TNKS: variants seen among roughly 807,000 people sequenced by gnomAD.
TNKS encodes poly [ADP-ribose] polymerase tankyrase-1.
In TNKS, 72 loss-of-function variants were observed where a neutral mutation model predicts 135.8. The ratio of observed to expected loss-of-function variants is 0.53; its 90% CI spans 0.44 to 0.64. The LOEUF is 0.64. Ranked by LOEUF, TNKS falls within the 30% of genes least tolerant of loss-of-function variation. The pLI is 0.00. For missense variants in TNKS, 1,769 were observed against 1,674.0 expected (o/e 1.06, Z -0.99); for synonymous variants, 849 against 649.3 (o/e 1.31, Z -4.68).
chr8:9,680,753 T>A lies in TNKS; in HGVS notation c.1060T>A (p.Leu354Ile). 1.2e-6 allele frequency: 2 copies of A among 1,612,630 alleles called. No homozygotes were observed. Among genetic ancestry groups the A allele is most frequent in the Non-Finnish European group, 1.7e-6 (2 of 1,179,106 alleles). The change falls in exon 5 of 27, where the codon TTA becomes ATA. Residue 354 changes from leucine to isoleucine, a missense_variant. By Grantham distance (5) the Leu-to-Ile change is conservative. This residue lies in a region of TNKS where 523 missense variants were observed against 541.0 expected (regional missense o/e 0.97). Transcript: ENST00000310430. ...TGGTAATGAAGAAAAACTAATGGCT[T>A]TACTGACTCCTCTAAATGTGAATTG... ...RSGNEEKLMA[L>I]LTPLNVNCHA...
At chr8:9,681,608 A>G (rs914509973) in intron 5 of TNKS, among the ~76,000 whole-genome samples, 6 of 152,236 alleles carry the variant, frequency 3.9e-5, no homozygotes, top group South Asian at 2.1e-4. Flanking sequence ...TTAAAGACAC[A>G]TTACAAAAAT....
intron 7 of TNKS, among the ~76,000 whole-genome samples, 197 bp downstream of exon 7, chr8:9,706,450 A>G (rs544874975): frequency 2.0e-5 from 3 of 152,170 alleles, no homozygotes; most frequent in African/African-American, 7.2e-5. Context: ...TGCAGCCTCA[A>G]CCTCCCAAGT....
At chr8:9,646,552 A>G (rs940649029) in intron 3 of TNKS, among the ~76,000 whole-genome samples, 4 of 152,098 alleles carry the variant, frequency 2.6e-5, no homozygotes, top group Non-Finnish European at 5.9e-5. Flanking sequence ...GACTTCCCTA[A>G]TCTCATAACA....
At position 9,770,380 on chromosome 8, in the gene TNKS, T is replaced by G. The variant is rs564375861; in HGVS notation, c.3897+118T>G. 7.3e-5 allele frequency: 78 copies of G among 1,069,092 alleles called. 2 individuals carry two copies. In the South Asian group the frequency reaches 1.4e-3, roughly 20 times the overall value. 66.2% of individuals were successfully genotyped at this position (1,069,092 alleles called of 1,614,324 possible). ...TATCCACCACACAGTGTGCTAGTAT[T>G]AATTACTTCAGATACAAAATAAAGG... On this transcript the variant is annotated intron_variant, in intron 26 of 26. Coordinates refer to ENST00000310430, the MANE Select transcript of TNKS (RefSeq NM_003747.3).
rs552039738 is a variant in TNKS, at chr8:9,585,384, CAGTAATA to C, written c.898+5003_898+5009del. ...GAAAAAAAAGTCTGATGGAAGAGATCAGTAATAATTAAACAAATGATAAGAAAGAGAA... is the reference window on the plus strand; with the variant it reads ...GAAAAAAAAGTCTGATGGAAGAGATCATTAAACAAATGATAAGAAAGAGAA... On this transcript the variant is annotated intron_variant, in intron 2 of 26. Coordinates refer to ENST00000310430, the MANE Select transcript of TNKS (RefSeq NM_003747.3). 6.6e-4 allele frequency among the ~76,000 whole-genome samples: 100 copies of C among 152,052 alleles called. No individual in the cohort carries two copies. The South Asian group carries it at 0.019, about 29-fold the overall frequency.
intron 26 of TNKS, among the ~76,000 whole-genome samples, chr8:9,771,183 G>GAGGA (rs756388062): frequency 6.8e-6 from 1 of 147,614 alleles, no homozygotes; most frequent in African/African-American, 2.5e-5. Flanking sequence ...GGAGAGAAGA[G>GAGGA]AGGAAGGAAG....
At chr8:9,764,641 C>G in intron 22 of TNKS, 75 bp from the exon 23 acceptor site, 1 of 1,116,090 alleles carries the variant, frequency 9.0e-7, no homozygotes, top group Non-Finnish European at 1.3e-6. Flanking sequence ...TTTATTAATA[C>G]TGAATTTTAG....
chr8:9,767,086 T>C (rs902541830), intron 25 of TNKS, among the ~76,000 whole-genome samples: 2 of 152,214 alleles, frequency 1.3e-5, no homozygotes, highest in African/African-American at 2.4e-5. Flanking sequence ...CTAGTCACAT[T>C]TGAATGAAGA....
intron 3 of TNKS, among the ~76,000 whole-genome samples, chr8:9,663,728 A>G (rs951178488): frequency 2.6e-5 from 4 of 152,166 alleles, no homozygotes; most frequent in Admixed American, 2.6e-4. Flanking sequence ...TCAGGAAGAT[A>G]TGTTTACCAG....
At chr8:9,710,629 G>A (rs986100340) in intron 11 of TNKS, among the ~76,000 whole-genome samples, 3 of 152,204 alleles carry the variant, frequency 2.0e-5, no homozygotes, top group Non-Finnish European at 2.9e-5. Context: ...AGGCACAGTG[G>A]CTCACGCCTG....
intron 20 of TNKS, among the ~76,000 whole-genome samples, chr8:9,758,912 A>G (rs1563215120): frequency 6.6e-6 from 1 of 152,210 alleles, no homozygotes; most frequent in Non-Finnish European, 1.5e-5. Flanking sequence ...ACAGAGCATT[A>G]GCCAGGGTCA....
intron 2 of TNKS, among the ~76,000 whole-genome samples, chr8:9,594,298 A>G (rs1798693771): frequency 6.6e-6 from 1 of 152,232 alleles, no homozygotes; most frequent in Non-Finnish European, 1.5e-5. Flanking sequence ...GAGAAAATAT[A>G]CTGATGATAA....
At chr8:9,707,202 T>C (rs917916601) in intron 8 of TNKS, among the ~76,000 whole-genome samples, 1 of 152,242 alleles carries the variant, frequency 6.6e-6, no homozygotes. Context: ...TATTCGAGCC[T>C]AGTTTTAATT....
In TNKS at chr8:9,734,887, A is replaced by G; in HGVS notation, c.2336A>G (p.Lys779Arg). 6.2e-7 allele frequency: 1 copy of G among 1,614,076 alleles called. No individual in the cohort carries two copies. The change falls in exon 16 of 27, where the codon AAG becomes AGG. Residue 779 changes from lysine to arginine, a missense_variant. By Grantham distance (26) the Lys-to-Arg change is conservative (BLOSUM62 2). Transcript: ENST00000310430. ...TAGCATGGAGCAGATCCAACTAAAA[A>G]GAACAGAGATGGAAATACACCTTTG... ...LLKHGADPTK[K>R]NRDGNTPLDL... is the part of the protein sequence containing the mutation.
intron 2 of TNKS, among the ~76,000 whole-genome samples, chr8:9,583,704 C>G (rs967191339): frequency 3.9e-5 from 6 of 151,904 alleles, no homozygotes; most frequent in African/African-American, 1.5e-4. Flanking sequence ...GGCCAGGATG[C>G]TCTCGATCTC....
Position 9,588,326 on chromosome 8 carries a change from G to C in TNKS, c.898+7943G>C, listed in dbSNP as rs559484987. On this transcript the variant is annotated intron_variant, in intron 2 of 26. Coordinates refer to ENST00000310430, the MANE Select transcript of TNKS (RefSeq NM_003747.3). Reference sequence around the variant, plus strand: ...GTCTTGCTCTGTCGCCCAGGCTGGAGTACAATGGCGGGATCTAGGCTCACT... The same window carrying C: ...GTCTTGCTCTGTCGCCCAGGCTGGACTACAATGGCGGGATCTAGGCTCACT... 2.7e-4 allele frequency among the ~76,000 whole-genome samples: 41 copies of C among 152,090 alleles called. 2 individuals are homozygous for C. The South Asian group carries it at 6.8e-3, about 25-fold the overall frequency.
intron 11 of TNKS, among the ~76,000 whole-genome samples, chr8:9,717,101 A>ATATATATATATATATATATATATTTT (rs1454492300): frequency 8.4e-6 from 1 of 119,336 alleles, no homozygotes; most frequent in Non-Finnish European, 1.8e-5. Flanking sequence ...ATATATATAT[A>ATATATATATATATATATATATATTTT]TTTTCAGGGA....
At chr8:9,615,544 C>T in intron 2 of TNKS, 38 bp from the exon 3 acceptor site, 1 of 1,548,004 alleles carries the variant, frequency 6.5e-7, no homozygotes, top group East Asian at 2.3e-5. Context: ...ATCTCTGTAT[C>T]CCCGAGGTAA....
At chr8:9,776,499 T>A (rs1808232584) in intron 26 of TNKS, 151 bp from the exon 27 acceptor site, 2 of 632,166 alleles carry the variant, frequency 3.2e-6, no homozygotes, top group South Asian at 4.0e-5. Context: ...GTTAAGTAGG[T>A]GAACCTCAAA....
Sources: gnomAD v4.1 joint callset for allele counts (sites outside exome capture counted in the v4.1 genomes callset) on GRCh38, gnomAD v4.1.1 for gene constraint, gnomAD v4.1.1 regional missense constraint, MANE v1.5 for transcripts, NCBI Gene and HGNC (gene_info 2026-07-23, HGNC 2026-07-21) for gene names.